Variants in DMBT1 observed in about 807,000 individuals in gnomAD.
DMBT1 encodes deleted in malignant brain tumors 1.
Under a neutral mutation model 252.9 loss-of-function variants are expected in DMBT1, and 198 were observed. The observed-to-expected ratio is 0.78, with a 90% CI of 0.70 to 0.88. DMBT1 has a LOEUF of 0.88. Among genes scored for constraint, DMBT1 ranks in the 40% least tolerant of loss-of-function variants. The pLI, the probability that DMBT1 is intolerant of heterozygous loss-of-function variation, is 0.00. For synonymous variants in DMBT1, 990 were observed against 942.7 expected (o/e 1.05, Z -0.92); for missense variants, 2,432 against 2,404.7 (o/e 1.01, Z -0.24).
intron 27 of DMBT1, among the ~76,000 whole-genome samples, chr10:122,600,610 A>T (rs1167008354): frequency 6.6e-6 from 1 of 151,994 alleles, no homozygotes; most frequent in Non-Finnish European, 1.5e-5. Context: ...TTAACCAGAA[A>T]CCTGATTCCT....
intron 14 of DMBT1, among the ~76,000 whole-genome samples, chr10:122,584,702 T>G (rs967547191): frequency 2.0e-5 from 3 of 149,074 alleles, no homozygotes; most frequent in Admixed American, 2.0e-4. Context: ...CAAAGTCTCC[T>G]CGGAAGCCAA....
intron 18 of DMBT1, among the ~76,000 whole-genome samples, chr10:122,590,955 G>A (rs1261971946): frequency 1.3e-5 from 2 of 148,424 alleles, no homozygotes; most frequent in Non-Finnish European, 3.0e-5. Flanking sequence ...GCCTGTCCAT[G>A]GGCAAGAATG....
At chr10:122,620,746 T>A (rs1214172612) in intron 43 of DMBT1, among the ~76,000 whole-genome samples, 2 of 152,266 alleles carry the variant, frequency 1.3e-5, no homozygotes, top group African/African-American at 2.4e-5. Context: ...CTTGGCCTCC[T>A]ATCTGGAGCT....
Position 122,579,669 on chromosome 10 carries a change from C to G in DMBT1, c.771C>G (p.Thr257=). Residue 257 remains threonine, a synonymous_variant, in exon 10 of 56, where the codon ACC becomes ACG. Coordinates refer to ENST00000338354, the MANE Select transcript of DMBT1 (RefSeq NM_001377530.1). ...VEVLYRGSWG[T]VCDDYWDTND... is the part of the protein sequence containing the mutation. Reference sequence around the variant, plus strand: ...TCCTATACCGAGGCTCCTGGGGCACCGTGTGTGATGACTACTGGGACACCA... The same window carrying G: ...TCCTATACCGAGGCTCCTGGGGCACGGTGTGTGATGACTACTGGGACACCA... 6.2e-7 allele frequency: 1 copy of G among 1,613,804 alleles called. No homozygotes were observed. Among genetic ancestry groups the G allele is most frequent in the South Asian group, 1.1e-5 (1 of 91,076 alleles).
intron 17 of DMBT1, among the ~76,000 whole-genome samples, chr10:122,589,810 A>G (rs2097831301): frequency 6.7e-6 from 1 of 148,358 alleles, no homozygotes; most frequent in Non-Finnish European, 1.5e-5. Context: ...AAACTAAGAG[A>G]AGAACTCACC....
In DMBT1 at chr10:122,576,725, A is replaced by G. The variant is rs1363145624; in HGVS notation, c.607+3A>G. 1 of 1,613,756 alleles carries G rather than the reference A, an allele frequency of 6.2e-7. No individual in the cohort carries two copies. The highest frequency in any genetic ancestry group is 1.7e-5 in the Admixed American group (1 of 60,016). On this transcript the variant is annotated splice_donor_region_variant and intron_variant, in intron 7 of 55. Transcript: ENST00000338354. The stretch of plus-strand genomic sequence containing the variant: ...AGATGCTGGTGTTATCTGCTCAGGT[A>G]GGCATCCAGATCTCTGGAGGGTTGG...
Position 122,621,155 on chromosome 10 carries a change from G to A in DMBT1, c.5383G>A (p.Asp1795Asn), listed in dbSNP as rs760683143. Residue 1795 changes from aspartate to asparagine, a missense_variant, in exon 44 of 56, where the codon GAT (aspartate) becomes AAT (asparagine). Physicochemically the swap from Asp to Asn is conservative, Grantham distance 23 (BLOSUM62 1). This residue lies in a region of DMBT1 where 1,162 missense variants were observed against 1,169.0 expected (regional missense o/e 0.99). Transcript: ENST00000338354. Reference sequence around the variant, plus strand: ...TCGAGGCTCCTGGGGAACCGTGTGTGATGACAGCTGGGACACCAATGATGC... The same window carrying A: ...TCGAGGCTCCTGGGGAACCGTGTGTAATGACAGCTGGGACACCAATGATGC... ...LYRGSWGTVC[D>N]DSWDTNDANV... 6.2e-7 allele frequency: 1 copy of A among 1,613,916 alleles called. No homozygotes were observed. Among genetic ancestry groups the A allele is most frequent in the South Asian group, 1.1e-5 (1 of 91,072 alleles).
chr10:122,637,788 G>C lies in DMBT1; in HGVS notation c.6942+476G>C, dbSNP rs569816084. Among the ~76,000 whole-genome samples the C allele has an allele frequency of 5.9e-5, 9 of 152,332 alleles. No individual in the cohort carries two copies. The South Asian group carries it at 1.9e-3, about 32-fold the overall frequency. On this transcript the variant is annotated intron_variant, in intron 54 of 55. Transcript: ENST00000338354. Reference sequence around the variant, plus strand: ...GGAGGAGGCCTGCACATTGCAGTAGGCAGGGAAGAGGGGGCCCAAAAGCTT... The same window carrying C: ...GGAGGAGGCCTGCACATTGCAGTAGCCAGGGAAGAGGGGGCCCAAAAGCTT...
intron 52 of DMBT1, among the ~76,000 whole-genome samples, chr10:122,634,376 C>CTTTCTTTCTTTCTTTCTTTCTT (rs2098196065): frequency 9.6e-6 from 1 of 104,562 alleles, no homozygotes; most frequent in African/African-American, 3.7e-5. Context: ...TTCTTTCTTT[C>CTTTCTTTCTTTCTTTCTTTCTT]TTTCTTTCTT....
chr10:122,598,757 C>T lies in DMBT1; in HGVS notation c.2957-17C>T. 1 of 1,612,698 alleles carries T rather than the reference C, an allele frequency of 6.2e-7. No homozygotes were observed. Among genetic ancestry groups the T allele is most frequent in the Non-Finnish European group, 8.5e-7 (1 of 1,179,708 alleles). On this transcript the variant is annotated splice_polypyrimidine_tract_variant and intron_variant, in intron 25 of 55. Coordinates refer to ENST00000338354, the MANE Select transcript of DMBT1 (RefSeq NM_001377530.1). ...TCATGATAGGGATGGATGAAGGATT[C>T]TTGTGTTCCCCTGTAGGATCTGAAT... is the stretch of plus-strand genomic sequence containing the variant.
intron 52 of DMBT1, 72 bp from the exon 53 acceptor site, chr10:122,635,919 A>G: frequency 6.5e-7 from 1 of 1,533,678 alleles, no homozygotes; most frequent in Non-Finnish European, 9.0e-7. Flanking sequence ...GTGTGACCCC[A>G]CCCTGAGATC....
At chr10:122,573,839 G>C in intron 6 of DMBT1, 77 bp downstream of exon 6, 5 of 1,556,308 alleles carry the variant, frequency 3.2e-6, no homozygotes, top group Non-Finnish European at 4.4e-6. Context: ...TTCAGATGAG[G>C]TGCAGAGGGC....
At chr10:122,599,826 C>G (rs528957982) in intron 26 of DMBT1, among the ~76,000 whole-genome samples, 1 of 151,892 alleles carries the variant, frequency 6.6e-6, no homozygotes, top group East Asian at 2.0e-4. Context: ...TTAGGCCAAC[C>G]GGGTTACCCT....
Position 122,628,561 on chromosome 10 carries a change from G to A in DMBT1, c.5669-1279G>A, listed in dbSNP as rs540908177. ...TGGGGCAGGAGAATCGCTTGAACCC[G>A]GGAAGCGGAGGTTGCAGTAAGCTGA... On this transcript the variant is annotated intron_variant, in intron 46 of 55. Transcript: ENST00000338354. 1.5e-3 allele frequency among the ~76,000 whole-genome samples: 221 copies of A among 152,248 alleles called. 1 individual carries two copies. The highest frequency in any genetic ancestry group is 1.9e-3 in the South Asian group (9 of 4,820).
intron 27 of DMBT1, among the ~76,000 whole-genome samples, chr10:122,600,567 G>A (rs1423203896): frequency 6.6e-6 from 1 of 152,204 alleles, no homozygotes; most frequent in African/African-American, 2.4e-5. Context: ...CTTGGGCAGG[G>A]AGAGGGATAA....
rs375387146 is a variant in DMBT1, at chr10:122,584,337, C to T, written c.1406C>T (p.Ser469Leu). 2,223 of 554,102 alleles carry T rather than the reference C, an allele frequency of 4.0e-3. 91 individuals carry two copies. In the African/African-American group the frequency reaches 0.045, roughly 11 times the overall value. 34.3% of individuals were successfully genotyped at this position (554,102 alleles called of 1,614,324 possible). The part of the protein sequence containing the change: ...GVICSAAHSW[S>L]TPSPDTLPTI... ...TTTCTCACAGCTGCCCACTCCTGGTCGACGCCCAGTCCAGGTGAGTCCCCA... is the reference window on the plus strand; with the variant it reads ...TTTCTCACAGCTGCCCACTCCTGGTTGACGCCCAGTCCAGGTGAGTCCCCA... The change falls in exon 14 of 56, where the codon TCG becomes TTG. Residue 469 changes from serine (S) to leucine (L), a missense_variant. By Grantham distance (145) the Ser-to-Leu change is moderately radical (BLOSUM62 -2). Coordinates refer to ENST00000338354, the MANE Select transcript of DMBT1 (RefSeq NM_001377530.1).
chr10:122,585,164 C>G, intron 14 of DMBT1, 107 bp from the exon 15 acceptor site: 1 of 1,399,070 alleles, frequency 7.1e-7, no homozygotes, highest in Non-Finnish European at 1.0e-6. Flanking sequence ...TGGCAGGAAT[C>G]AGAAGTGGGG....
At chr10:122,577,957 C>T (rs1438161471) in intron 8 of DMBT1, 117 bp downstream of exon 8, 15 of 1,156,856 alleles carry the variant, frequency 1.3e-5, no homozygotes, top group South Asian at 1.0e-4. Context: ...ATTATTTCAC[C>T]CCCAACTCTG....
intron 54 of DMBT1, among the ~76,000 whole-genome samples, chr10:122,639,600 G>A (rs898925710): frequency 1.1e-4 from 16 of 150,728 alleles, no homozygotes; most frequent in Middle Eastern, 3.4e-3. Flanking sequence ...ATTTTTACTT[G>A]TTTTGTGATT....
Sources: allele counts gnomAD v4.1 joint callset (sites outside exome capture counted in the v4.1 genomes callset), GRCh38; gene constraint gnomAD v4.1.1; regional missense constraint gnomAD v4.1.1; transcripts MANE v1.5; gene names NCBI Gene and HGNC (gene_info 2026-07-23, HGNC 2026-07-21).